SPTB: variants seen among roughly 807,000 people sequenced by gnomAD.
The protein encoded by SPTB is spectrin beta, erythrocytic.
In SPTB, 45 loss-of-function variants were observed where a neutral mutation model predicts 256.2. That is an observed-to-expected ratio of 0.18 (90% CI 0.14 to 0.23). The LOEUF is 0.23. SPTB is among the 10% of genes least tolerant of loss of function. The pLI, the probability that SPTB is intolerant of heterozygous loss-of-function variation, is 1.00. For missense variants in SPTB, 2,715 were observed against 3,040.4 expected (o/e 0.89, Z 2.52); for synonymous variants, 1,231 against 1,243.1 (o/e 0.99, Z 0.21).
chr14:64,861,488 C>T (rs964821379), intron 1 of SPTB, among the ~76,000 whole-genome samples: 8 of 152,176 alleles, frequency 5.3e-5, no homozygotes, highest in African/African-American at 9.7e-5. Context: ...AGGGCACACA[C>T]GTGGCTGCAC....
chr14:64,769,537 C>A (rs2082246047), intron 28 of SPTB, 53 bp downstream of exon 28: 4 of 1,608,786 alleles, frequency 2.5e-6, no homozygotes, highest in Non-Finnish European at 1.7e-6. Flanking sequence ...GCCTGGCTGG[C>A]ACAGTGGGGA....
At position 64,749,109 on chromosome 14, in the gene SPTB, G is replaced by A; in HGVS notation, c.*197C>T. 3.6e-6 allele frequency: 2 copies of A among 562,224 alleles called. No individual in the cohort carries two copies. Among genetic ancestry groups the A allele is most frequent in the South Asian group, 2.1e-5 (1 of 48,090 alleles). 34.8% of individuals were successfully genotyped at this position (562,224 alleles called of 1,614,324 possible). A position where few individuals can be genotyped will look rare whatever the true frequency, so the allele number is the denominator to read the frequency against. On this transcript the variant is annotated 3_prime_UTR_variant, in exon 36 of 36. Coordinates refer to ENST00000644917, the MANE Select transcript of SPTB (RefSeq NM_001355436.2). The surrounding 1 kb of genome is among the most constrained non-coding windows in gnomAD (Gnocchi z 4.7). The stretch of plus-strand genomic sequence containing the variant: ...CTGTCCCTGGAGCGGAGCCAGCGCG[G>A]GCGAGGGCATGGAGGGGGCGTCGGC...
intron 1 of SPTB, among the ~76,000 whole-genome samples, chr14:64,857,808 G>T (rs111669363): frequency 1.3e-5 from 2 of 152,058 alleles, no homozygotes; most frequent in East Asian, 3.9e-4. Flanking sequence ...ATCATTATGG[G>T]ATCCATTTCT....
intron 2 of SPTB, 53 bp from the exon 3 acceptor site, chr14:64,805,143 T>G: frequency 6.2e-7 from 1 of 1,609,990 alleles, no homozygotes; most frequent in Non-Finnish European, 8.5e-7. Flanking sequence ...AGGGTCAGTG[T>G]GACATGGGGC....
At position 64,753,937 on chromosome 14, in the gene SPTB, T is replaced by C; in HGVS notation, c.6346-144A>G. ...TCTACTCCCACCTCCTGGCCCACCCTGGCTCTCCCACAACCTGCTATGGGT... is the reference window on the plus strand; with the variant it reads ...TCTACTCCCACCTCCTGGCCCACCCCGGCTCTCCCACAACCTGCTATGGGT... On this transcript the variant is annotated intron_variant, in intron 32 of 35. Transcript: ENST00000644917. 8 of 1,107,970 alleles carry C rather than the reference T, an allele frequency of 7.2e-6. No individual in the cohort carries two copies. The South Asian group carries it at 1.1e-4, about 15-fold the overall frequency. 68.6% of individuals were successfully genotyped at this position (1,107,970 alleles called of 1,614,324 possible). A position where few individuals can be genotyped will look rare whatever the true frequency, so the allele number is the denominator to read the frequency against.
chr14:64,803,486 G>T, intron 4 of SPTB, 121 bp downstream of exon 4: 3 of 1,272,154 alleles, frequency 2.4e-6, no homozygotes, highest in Non-Finnish European at 3.3e-6. Context: ...CCATGTGGCA[G>T]ATTTACAGCC....
chr14:64,760,366 G>A lies in SPTB; in HGVS notation c.6345+6360C>T, dbSNP rs1022813458. On this transcript the variant is annotated intron_variant, in intron 32 of 35. Transcript: ENST00000644917. This position sits in a 1 kb window ranked among gnomAD's most constrained non-coding sequence, Gnocchi z 4.3. ...TATGTCCAGGCTCAACCAGCAGGTG[G>A]CGCGGGGGACTGCACACAGACAACA... Among the ~76,000 whole-genome samples, 11 of 152,182 alleles carry A rather than the reference G, an allele frequency of 7.2e-5. No homozygotes were observed. The highest frequency in any genetic ancestry group is 2.7e-4 in the African/African-American group (11 of 41,446).
chr14:64,766,260 GTATT>G (rs2082180057), intron 32 of SPTB: 10 of 437,596 alleles, frequency 2.3e-5, no homozygotes, highest in Non-Finnish European at 3.4e-5. Flanking sequence ...ATGTGGGTGT[GTATT>G]TGTGTGTGCA....
Position 64,769,737 on chromosome 14 carries a change from C to G in SPTB, c.5799-9G>C. Reference sequence around the variant, plus strand: ...CCACAGAGGAGACATCCCTGGGGGACAGGAGGACAAGGGAAGAAGGGAACT... The same window carrying G: ...CCACAGAGGAGACATCCCTGGGGGAGAGGAGGACAAGGGAAGAAGGGAACT... On this transcript the variant is annotated splice_polypyrimidine_tract_variant and intron_variant, in intron 27 of 35. Coordinates refer to ENST00000644917, the MANE Select transcript of SPTB (RefSeq NM_001355436.2). 1 of 1,614,120 alleles carries G rather than the reference C, an allele frequency of 6.2e-7. No individual in the cohort carries two copies. The highest frequency in any genetic ancestry group is 8.5e-7 in the Non-Finnish European group (1 of 1,180,024).
chr14:64,759,607 A>T lies in SPTB; in HGVS notation c.6346-5814T>A, dbSNP rs2082064933. ...CCAGGAGGGGCGATGCTGGCTACTC[A>T]TGTGGCTGAGATGTGACTAAGGGAC... is the stretch of plus-strand genomic sequence containing the variant. On this transcript the variant is annotated intron_variant, in intron 32 of 35. Coordinates refer to ENST00000644917, the MANE Select transcript of SPTB (RefSeq NM_001355436.2). The surrounding 1 kb of genome is among the most constrained non-coding windows in gnomAD (Gnocchi z 4.8). 6.6e-6 allele frequency among the ~76,000 whole-genome samples: 1 copy of T among 152,242 alleles called. No individual in the cohort carries two copies. The highest frequency in any genetic ancestry group is 1.5e-5 in the Non-Finnish European group (1 of 68,044).
chr14:64,797,877 T>G lies in SPTB; in HGVS notation c.1065-31A>C, dbSNP rs1367506040. On this transcript the variant is annotated intron_variant, in intron 9 of 35. Transcript: ENST00000644917. ...AAGAAAACAGAAGTAGGAAGACTGA[T>G]GTTAAGATCTCATGGCCAAATTTTT... The G allele has an allele frequency of 1.9e-6, 3 of 1,583,510 alleles. No individual in the cohort carries two copies. In the South Asian group the frequency reaches 3.3e-5, roughly 17 times the overall value.
At chr14:64,803,072 C>G (rs961822157) in intron 4 of SPTB, among the ~76,000 whole-genome samples, 16 of 152,090 alleles carry the variant, frequency 1.1e-4, no homozygotes, top group Admixed American at 9.8e-4. Context: ...GTTGTATGCT[C>G]TCTTCTTTCT....
Position 64,759,494 on chromosome 14 carries a change from A to T in SPTB, c.6346-5701T>A, listed in dbSNP as rs1243833809. Among the ~76,000 whole-genome samples the T allele has an allele frequency of 6.6e-6, 1 of 152,142 alleles. No homozygotes were observed. The highest frequency in any genetic ancestry group is 1.9e-4 in the East Asian group (1 of 5,186). On this transcript the variant is annotated intron_variant, in intron 32 of 35. Coordinates refer to ENST00000644917, the MANE Select transcript of SPTB (RefSeq NM_001355436.2). The surrounding 1 kb of genome is among the most constrained non-coding windows in gnomAD (Gnocchi z 4.8). ...GCCTCAAGGCTAATAAGAGGGGATG[A>T]GGGGAGGCTGCCCCCCTGTAAGCAG...
At chr14:64,803,060 G>T (rs568863982) in intron 4 of SPTB, among the ~76,000 whole-genome samples, 4 of 152,128 alleles carry the variant, frequency 2.6e-5, no homozygotes, top group African/African-American at 9.7e-5. Flanking sequence ...TTTAGTCCGC[G>T]AGTTGTATGC....
Position 64,803,797 on chromosome 14 carries a change from GC to G in SPTB, c.301-18del. 6.3e-7 allele frequency: 1 copy of G among 1,593,666 alleles called. No homozygotes were observed. Among genetic ancestry groups the G allele is most frequent in the Non-Finnish European group, 8.6e-7 (1 of 1,169,282 alleles). ...GGGCTTTGGCTGGGGGACAGCAGTG[GC>G]CCCCGTGGGCATGGAGGGACTGCAC... On this transcript the variant is annotated intron_variant, in intron 3 of 35. Transcript: ENST00000644917.
rs1427767851 is a variant in SPTB at position 64,814,313 on chromosome 14, AG to A, written c.148+8633del. On this transcript the variant is annotated intron_variant, in intron 2 of 35. Coordinates refer to ENST00000644917, the MANE Select transcript of SPTB (RefSeq NM_001355436.2). ...TTCATAGCATATTGTTACATGAAAG[AG>A]GGTCTAAGATTATATTATAGATAAC... 2.6e-5 allele frequency among the ~76,000 whole-genome samples: 4 copies of A among 152,328 alleles called. No homozygotes were observed. The East Asian group carries it at 7.7e-4, about 29-fold the overall frequency.
intron 20 of SPTB, among the ~76,000 whole-genome samples, chr14:64,781,367 T>C (rs2082469024): frequency 2.6e-5 from 4 of 151,998 alleles, no homozygotes; most frequent in Admixed American, 2.6e-4. Flanking sequence ...AACTTAAATT[T>C]ATAAGAGGAA....
chr14:64,868,644 G>A (rs1047745471), intron 1 of SPTB, among the ~76,000 whole-genome samples: 1 of 152,164 alleles, frequency 6.6e-6, no homozygotes, highest in South Asian at 2.1e-4. Context: ...AACAAGCTAG[G>A]AGGGAAAAAA....
rs1174835310 is a variant in SPTB, at chr14:64,793,198, C to T, written c.2465G>A (p.Arg822Gln). The change falls in exon 14 of 36, where the codon CGG becomes CAG. Residue 822 changes from arginine to glutamine, a missense_variant. Physicochemically the swap from Arg to Gln is conservative, Grantham distance 43 (BLOSUM62 1). Around this residue, in one of 4 missense-constraint regions of SPTB, gnomAD observed 2,239 missense variants for 2,384.4 expected, o/e 0.94. Transcript: ENST00000644917. The surrounding 1 kb of genome is among the most constrained non-coding windows in gnomAD (Gnocchi z 7.0). ...GTAGAGCTCCCGCAGGGCCTGCAGC[C>T]GATGGGTCACATCTGGGGAATCCCG... Reference protein sequence around the residue: ...EFRDSPDVTHRLQALRELYQQ... With the variant: ...EFRDSPDVTHQLQALRELYQQ... The T allele has an allele frequency of 1.4e-5, 22 of 1,612,924 alleles. No homozygotes were observed. The highest frequency in any genetic ancestry group is 2.2e-5 in the East Asian group (1 of 44,886).
Sources: gnomAD v4.1 joint callset for allele counts (sites outside exome capture counted in the v4.1 genomes callset) on GRCh38, gnomAD v4.1.1 for gene constraint, gnomAD v4.1.1 regional missense constraint, Gnocchi (gnomAD v3.1) non-coding constraint, MANE v1.5 for transcripts, NCBI Gene and HGNC (gene_info 2026-07-23, HGNC 2026-07-21) for gene names.